RNASEH1: variants seen among roughly 807,000 people sequenced by gnomAD.
RNASEH1 encodes the protein ribonuclease H type II.
A neutral mutation model predicts 34.6 loss-of-function variants in RNASEH1; 27 were observed. The ratio of observed to expected loss-of-function variants is 0.78; its 90% CI spans 0.58 to 1.08. RNASEH1 has a LOEUF of 1.08. RNASEH1 is among the 50% of genes least tolerant of loss of function. RNASEH1 has a pLI of 0.00. For missense variants in RNASEH1, 349 were observed against 373.6 expected (o/e 0.93, Z 0.54); for synonymous variants, 162 against 138.4 (o/e 1.17, Z -1.20).
intron 2 of RNASEH1, among the ~76,000 whole-genome samples, chr2:3,552,741 T>C (rs987964025): frequency 1.3e-5 from 2 of 151,922 alleles, no homozygotes; most frequent in Non-Finnish European, 2.9e-5. Flanking sequence ...TGTGTGCCTA[T>C]AGTTCCAGCT....
chr2:3,548,078 G>A, intron 6 of RNASEH1, 23 bp from the exon 7 acceptor site: 2 of 1,613,524 alleles, frequency 1.2e-6, no homozygotes, highest in Non-Finnish European at 1.7e-6. Flanking sequence ...ACGATCACTG[G>A]TGAGTCAATC....
At position 3,543,810 on chromosome 2, in the gene RNASEH1, C is replaced by G. The variant is rs1359313704; in HGVS notation, c.*1975G>C. ...TTAATTTTCTGTAGAGACAGGGTGTCACTATGTTGCCCAGACTAGTCTCAA... is the reference window on the plus strand; with the variant it reads ...TTAATTTTCTGTAGAGACAGGGTGTGACTATGTTGCCCAGACTAGTCTCAA... On this transcript the variant is annotated 3_prime_UTR_variant, in exon 8 of 8. Transcript: ENST00000315212. Among the ~76,000 whole-genome samples the G allele has an allele frequency of 6.6e-6, 1 of 152,086 alleles. No individual in the cohort carries two copies. The highest frequency in any genetic ancestry group is 1.5e-5 in the Non-Finnish European group (1 of 68,020).
chr2:3,535,116 A>T, the RNASEH1 span, among the ~76,000 whole-genome samples: 1 of 152,150 alleles, frequency 6.6e-6, no homozygotes, highest in South Asian at 2.1e-4. Flanking sequence ...TGAACTGCAC[A>T]CTTAAAAACG....
At chr2:3,549,831 A>T (rs1418151621) in intron 4 of RNASEH1, among the ~76,000 whole-genome samples, 2 of 152,030 alleles carry the variant, frequency 1.3e-5, no homozygotes, top group East Asian at 3.9e-4. Flanking sequence ...CTGTAGTCCC[A>T]GCTACTCGGG....
Position 3,545,760 on chromosome 2 carries a change from C to CA in RNASEH1, c.*24_*25insT. On this transcript the variant is annotated 3_prime_UTR_variant, in exon 8 of 8. Coordinates refer to ENST00000315212, the MANE Select transcript of RNASEH1 (RefSeq NM_002936.6). ...AGCAAGACAGCCGCTGGCTCAAGTT[C>CA]TCCCAAGGACTAAAGTCACATGGCT... is the stretch of plus-strand genomic sequence containing the variant. 6.4e-6 allele frequency: 10 copies of CA among 1,554,338 alleles called. No individual in the cohort carries two copies. Among genetic ancestry groups the CA allele is most frequent in the Non-Finnish European group, 8.9e-6 (10 of 1,125,462 alleles).
chr2:3,555,173 TCTC>T (rs1368163032), intron 2 of RNASEH1, among the ~76,000 whole-genome samples: 4 of 152,028 alleles, frequency 2.6e-5, no homozygotes, highest in African/African-American at 9.7e-5. Flanking sequence ...TGCTCATCGG[TCTC>T]CTCCTGATCT....
Position 3,544,335 on chromosome 2 carries a change from T to C in RNASEH1, c.*1450A>G, listed in dbSNP as rs936192301. Among the ~76,000 whole-genome samples the C allele has an allele frequency of 2.0e-5, 3 of 152,082 alleles. No individual in the cohort carries two copies. Among genetic ancestry groups the C allele is most frequent in the Admixed American group, 1.3e-4 (2 of 15,280 alleles). The stretch of plus-strand genomic sequence containing the variant: ...TAGAGGACCATGCTGAACTACACCA[T>C]GACCACGTGGTCAGCAAAATCTACA... On this transcript the variant is annotated 3_prime_UTR_variant, in exon 8 of 8. Coordinates refer to ENST00000315212, the MANE Select transcript of RNASEH1 (RefSeq NM_002936.6).
intron 5 of RNASEH1, 82 bp from the exon 6 acceptor site, chr2:3,548,806 A>C (rs1460885235): frequency 1.0e-6 from 1 of 971,788 alleles, no homozygotes; most frequent in Non-Finnish European, 1.6e-6. Flanking sequence ...TTCGAAATTG[A>C]AACATCCCCT....
chr2:3,548,509 C>G (rs1305474773), intron 6 of RNASEH1, 131 bp downstream of exon 6: 3 of 621,760 alleles, frequency 4.8e-6, no homozygotes, highest in Admixed American at 2.9e-5. Flanking sequence ...AATCCTCACT[C>G]TTTGCTCGGT....
chr2:3,551,644 G>A (rs1035049041), intron 3 of RNASEH1, among the ~76,000 whole-genome samples: 1 of 152,094 alleles, frequency 6.6e-6, no homozygotes, highest in African/African-American at 2.4e-5. Context: ...ATGTGTAAAA[G>A]ACACAAAGGA....
Position 3,543,658 on chromosome 2 carries a change from C to G in RNASEH1, c.*2127G>C, listed in dbSNP as rs935751870. Among the ~76,000 whole-genome samples the G allele has an allele frequency of 9.2e-5, 14 of 151,950 alleles. No individual in the cohort carries two copies. The highest frequency in any genetic ancestry group is 1.3e-4 in the Non-Finnish European group (9 of 68,008). On this transcript the variant is annotated 3_prime_UTR_variant, in exon 8 of 8. Coordinates refer to ENST00000315212, the MANE Select transcript of RNASEH1 (RefSeq NM_002936.6). ...AGACAAGGACTTGCTGTCGCCCAGGCTGGAATGTGGTGGCATGGTCACAGC... is the reference window on the plus strand; with the variant it reads ...AGACAAGGACTTGCTGTCGCCCAGGGTGGAATGTGGTGGCATGGTCACAGC...
intron 7 of RNASEH1, among the ~76,000 whole-genome samples, chr2:3,546,584 T>C (rs1456822368): frequency 6.6e-6 from 1 of 152,206 alleles, no homozygotes; most frequent in Non-Finnish European, 1.5e-5. Flanking sequence ...TAATGCCATG[T>C]GCCCAGGTTG....
chr2:3,557,739 A>G, intron 1 of RNASEH1: 1 of 620,064 alleles, frequency 1.6e-6, no homozygotes, highest in South Asian at 1.5e-5. Flanking sequence ...CTTTTTTAAA[A>G]GGGAAGATTA....
intron 1 of RNASEH1, 137 bp downstream of exon 1, chr2:3,557,996 G>C: frequency 1.3e-6 from 2 of 1,486,574 alleles, no homozygotes; most frequent in Non-Finnish European, 9.0e-7. Context: ...AAAACGAGGC[G>C]GTCCCCCGAC....
Position 3,548,653 on chromosome 2 carries a change from C to G in RNASEH1, c.636G>C (p.Met212Ile), listed in dbSNP as rs1277221372. 1 of 1,594,560 alleles carries G rather than the reference C, an allele frequency of 6.3e-7. No homozygotes were observed. The highest frequency in any genetic ancestry group is 2.2e-5 in the East Asian group (1 of 44,788). The change falls in exon 6 of 8, where the codon ATG (methionine) becomes ATC (isoleucine). Residue 212 changes from methionine (M) to isoleucine (I), a missense_variant. Around this residue, in one of 2 missense-constraint regions of RNASEH1, gnomAD observed 93 missense variants for 132.9 expected, o/e 0.70. Transcript: ENST00000315212. ...INKLVLYTDSMFTINGITNWV... is the reference protein window; with the variant it reads ...INKLVLYTDSIFTINGITNWV... ...GTGAAAGCTTACCATTTATCGTAAA[C>G]ATACTGTCTGTATACAGAACCAGTT...
At chr2:3,551,674 A>G (rs1558455093) in intron 3 of RNASEH1, among the ~76,000 whole-genome samples, 1 of 152,386 alleles carries the variant, frequency 6.6e-6, no homozygotes, top group South Asian at 2.1e-4. Context: ...TCTGTGAGTC[A>G]CTAAATACAT....
chr2:3,532,822 C>A, the RNASEH1 span, among the ~76,000 whole-genome samples: 1 of 152,158 alleles, frequency 6.6e-6, no homozygotes, highest in African/African-American at 2.4e-5. Flanking sequence ...TCCATTTGGC[C>A]CTGATGTGCT....
rs1159733833 is a variant in RNASEH1, at chr2:3,544,775, CTACT to C, written c.*1006_*1009del. 39 of 151,160 alleles carry C rather than the reference CTACT, an allele frequency of 2.6e-4. No homozygotes were observed. Among genetic ancestry groups the C allele is most frequent in the African/African-American group, 9.2e-4 (38 of 41,098 alleles). The allele number at this position is 151,160 out of a possible 1,614,324, so 9.4% of individuals were successfully genotyped here. ...AATAAATAATCATGTCAAACTTTTA[CTACT>C]TTTTTTTTTTTTTGAGACAGAGTCT... is the stretch of plus-strand genomic sequence containing the variant. On this transcript the variant is annotated 3_prime_UTR_variant, in exon 8 of 8. Transcript: ENST00000315212.
chr2:3,547,563 C>G (rs1208215679), intron 7 of RNASEH1, among the ~76,000 whole-genome samples: 1 of 151,732 alleles, frequency 6.6e-6, no homozygotes, highest in African/African-American at 2.4e-5. Context: ...TCTCAGCTCA[C>G]TGCAACTTCC....
Sources: allele counts gnomAD v4.1 joint callset (sites outside exome capture counted in the v4.1 genomes callset), GRCh38; gene constraint gnomAD v4.1.1; regional missense constraint gnomAD v4.1.1; transcripts MANE v1.5; gene names NCBI Gene and HGNC (gene_info 2026-07-23, HGNC 2026-07-21).